Variants in ERBB4 observed in about 807,000 individuals in gnomAD.
ERBB4 encodes erb-b2 receptor tyrosine kinase 4.
ERBB4 carries 42 observed loss-of-function variants against 158.0 expected under a neutral mutation model. The observed-to-expected ratio is 0.27, with a 90% CI of 0.21 to 0.34. The LOEUF is 0.34. Among genes scored for constraint, ERBB4 ranks in the 10% least tolerant of loss-of-function variants. The pLI, the probability that ERBB4 is intolerant of heterozygous loss-of-function variation, is 1.00. For synonymous variants in ERBB4, 583 were observed against 558.7 expected, an observed-to-expected ratio of 1.04 and a Z score of -0.61; for missense variants, 1,333 against 1,624.1, an observed-to-expected ratio of 0.82 and a Z score of 3.08.
intron 3 of ERBB4, among the ~76,000 whole-genome samples, chr2:211,861,016 T>TTA (rs1210123992): frequency 7.3e-5 from 1 of 13,780 alleles, no homozygotes; most frequent in Non-Finnish European, 1.2e-4. Flanking sequence ...ATTTATATAT[T>TTA]TATATATATA....
intron 2 of ERBB4, among the ~76,000 whole-genome samples, chr2:212,107,422 G>A (rs2125531939): frequency 6.6e-6 from 1 of 152,260 alleles, no homozygotes; most frequent in East Asian, 1.9e-4. Context: ...ATTTGAAATG[G>A]GTGTATTTAT....
intron 3 of ERBB4, among the ~76,000 whole-genome samples, chr2:211,893,451 A>C (rs2079020918): frequency 7.1e-6 from 1 of 140,318 alleles, no homozygotes; most frequent in Admixed American, 7.0e-5. Flanking sequence ...TAAAACCATA[A>C]AAACCCTAGA....
chr2:211,463,142 T>C (rs925905219), intron 20 of ERBB4, among the ~76,000 whole-genome samples: 9 of 152,314 alleles, frequency 5.9e-5, no homozygotes, highest in African/African-American at 1.9e-4. Flanking sequence ...CATGCTGTGA[T>C]GCCCTTGCTT....
At chr2:211,512,575 A>G (rs2065909691) in intron 20 of ERBB4, among the ~76,000 whole-genome samples, 1 of 152,108 alleles carries the variant, frequency 6.6e-6, no homozygotes, top group Non-Finnish European at 1.5e-5. Context: ...TTTTGGAACT[A>G]TCTTTGAACA....
chr2:212,418,093 T>C lies in ERBB4; in HGVS notation c.82+120356A>G, dbSNP rs541779570. Among the ~76,000 whole-genome samples the C allele has an allele frequency of 9.2e-5, 14 of 152,106 alleles. No homozygotes were observed. The East Asian group carries it at 2.7e-3, about 29-fold the overall frequency. ...ACTGAATCTATTAACATCTTGGTCT[T>C]GGACTTTCCAGTCTTCTGAACTGTG... is the stretch of plus-strand genomic sequence containing the variant. On this transcript the variant is annotated intron_variant, in intron 1 of 27. Transcript: ENST00000342788.
At chr2:211,884,817 A>G (rs73073329) in intron 3 of ERBB4, among the ~76,000 whole-genome samples, 21,538 of 152,224 alleles carry the variant, frequency 0.14, 1,886 homozygotes, top group African/African-American at 0.24. Context: ...TGAAAAAATT[A>G]ACCATAACAT....
At chr2:212,106,601 A>G (rs1252579710) in intron 2 of ERBB4, among the ~76,000 whole-genome samples, 4 of 152,238 alleles carry the variant, frequency 2.6e-5, no homozygotes, top group Non-Finnish European at 5.9e-5. Context: ...AAAAATCTGC[A>G]TAAGTAGCTA....
At chr2:211,962,738 G>A (rs959248165) in intron 2 of ERBB4, among the ~76,000 whole-genome samples, 2 of 151,982 alleles carry the variant, frequency 1.3e-5, no homozygotes, top group Non-Finnish European at 2.9e-5. Flanking sequence ...TTTTTGAGGT[G>A]GAATACAAAA....
At chr2:212,482,965 T>C (rs946331532) in intron 1 of ERBB4, among the ~76,000 whole-genome samples, 1 of 152,188 alleles carries the variant, frequency 6.6e-6, no homozygotes, top group Non-Finnish European at 1.5e-5. Context: ...TAGGATTAGA[T>C]AGGTACTAGA....
chr2:212,233,771 T>A (rs1268402082), intron 1 of ERBB4, among the ~76,000 whole-genome samples: 1 of 152,050 alleles, frequency 6.6e-6, no homozygotes, highest in African/African-American at 2.4e-5. Context: ...TATGAGCAAG[T>A]CAAATAATTT....
At position 211,895,650 on chromosome 2, in the gene ERBB4, T is replaced by C. The variant is rs570997028; in HGVS notation, c.421+51780A>G. Among the ~76,000 whole-genome samples the C allele has an allele frequency of 2.2e-4, 34 of 152,286 alleles. No homozygotes were observed. In the South Asian group the frequency reaches 7.1e-3, roughly 32 times the overall value. ...AAATGTAACATCTCCCTCATTAATA[T>C]ATCCAGTTCTTTAACCTTACATACA... is the stretch of plus-strand genomic sequence containing the variant. On this transcript the variant is annotated intron_variant, in intron 3 of 27. Coordinates refer to ENST00000342788, the MANE Select transcript of ERBB4 (RefSeq NM_005235.3).
intron 1 of ERBB4, among the ~76,000 whole-genome samples, chr2:212,185,934 T>C (rs1189740945): frequency 6.6e-6 from 1 of 152,192 alleles, no homozygotes; most frequent in Non-Finnish European, 1.5e-5. Flanking sequence ...TCTTAGGCAG[T>C]TGTCTAATGA....
At chr2:211,740,355 T>C (rs1464131338) in intron 5 of ERBB4, among the ~76,000 whole-genome samples, 1 of 152,104 alleles carries the variant, frequency 6.6e-6, no homozygotes, top group Admixed American at 6.5e-5. Context: ...AAAGTGCCCA[T>C]GGTAATGGAG....
At chr2:212,103,609 AG>A (rs1323128660) in intron 2 of ERBB4, among the ~76,000 whole-genome samples, 3 of 152,018 alleles carry the variant, frequency 2.0e-5, no homozygotes, top group Admixed American at 2.0e-4. Context: ...TAATTCTGGG[AG>A]GACATACACC....
At chr2:211,405,793 C>T (rs1007495191) in intron 25 of ERBB4, among the ~76,000 whole-genome samples, 1 of 152,144 alleles carries the variant, frequency 6.6e-6, no homozygotes, top group African/African-American at 2.4e-5. Context: ...TAACTTCACT[C>T]GAGCTCTAGA....
chr2:212,434,527 G>A (rs900344315), intron 1 of ERBB4, among the ~76,000 whole-genome samples: 2 of 151,700 alleles, frequency 1.3e-5, no homozygotes, highest in African/African-American at 2.4e-5. Flanking sequence ...GGGAGTGTGG[G>A]GGGAAAAATA....
chr2:212,369,790 T>C (rs2106380673), intron 1 of ERBB4, among the ~76,000 whole-genome samples: 1 of 152,036 alleles, frequency 6.6e-6, no homozygotes, highest in East Asian at 1.9e-4. Context: ...AATTGTGGGC[T>C]CAAGAAATCC....
intron 20 of ERBB4, among the ~76,000 whole-genome samples, chr2:211,446,776 T>A (rs957807687): frequency 6.7e-6 from 1 of 150,326 alleles, no homozygotes; most frequent in African/African-American, 2.4e-5. Context: ...ATTAGGTTTT[T>A]TTTAAAGCAA....
chr2:212,221,363 C>A (rs1298802512), intron 1 of ERBB4, among the ~76,000 whole-genome samples: 1 of 151,478 alleles, frequency 6.6e-6, no homozygotes, highest in African/African-American at 2.4e-5. Flanking sequence ...AATTTACATT[C>A]AAAAATTGCT....
Sources: gnomAD v4.1 joint callset for allele counts (sites outside exome capture counted in the v4.1 genomes callset) on GRCh38, gnomAD v4.1.1 for gene constraint, MANE v1.5 for transcripts, NCBI Gene and HGNC (gene_info 2026-07-23, HGNC 2026-07-21) for gene names.